ZBTB16: variants seen among roughly 807,000 people sequenced by gnomAD.
ZBTB16 encodes the protein zinc finger and BTB domain containing 16.
ZBTB16 carries 8 observed loss-of-function variants against 56.8 expected under a neutral mutation model. That is an observed-to-expected ratio of 0.14 (90% CI 0.08 to 0.25). The LOEUF is 0.25. ZBTB16 is among the 10% of genes least tolerant of loss of function. The pLI is 1.00. For synonymous variants in ZBTB16, 363 were observed against 368.5 expected (o/e 0.98, Z 0.17); for missense variants, 625 against 903.0 (o/e 0.69, Z 3.95).
chr11:114,114,924 C>A (rs1175566538), intron 2 of ZBTB16, among the ~76,000 whole-genome samples: 1 of 152,070 alleles, frequency 6.6e-6, no homozygotes, highest in Admixed American at 6.5e-5. Flanking sequence ...TTCAAGTGAT[C>A]CTCCCGCCTC....
chr11:114,085,443 A>G (rs1419853434), intron 2 of ZBTB16, among the ~76,000 whole-genome samples: 2 of 152,230 alleles, frequency 1.3e-5, no homozygotes, highest in Admixed American at 6.5e-5. Context: ...AGAGAAATTA[A>G]TAAATCCCTG....
rs992144449 is a variant in ZBTB16 at position 114,251,723 on chromosome 11, C to T, written c.*1168C>T. On this transcript the variant is annotated 3_prime_UTR_variant, in exon 7 of 7. Coordinates refer to ENST00000335953, the MANE Select transcript of ZBTB16 (RefSeq NM_006006.6). ...GTCGCACAGAATTCCTGACTCACAG[C>T]GCCCCTCGGTCCACAGTGGAGAGGA... 3.9e-5 allele frequency among the ~76,000 whole-genome samples: 6 copies of T among 152,138 alleles called. No homozygotes were observed. Among genetic ancestry groups the T allele is most frequent in the East Asian group, 3.9e-4 (2 of 5,190 alleles).
intron 2 of ZBTB16, among the ~76,000 whole-genome samples, chr11:114,097,420 C>T (rs1388059064): frequency 6.6e-6 from 1 of 152,088 alleles, no homozygotes; most frequent in Non-Finnish European, 1.5e-5. Context: ...TACTAAATGA[C>T]ACTGATCTGT....
At chr11:114,172,617 C>T (rs1224170222) in intron 3 of ZBTB16, among the ~76,000 whole-genome samples, 4 of 152,338 alleles carry the variant, frequency 2.6e-5, no homozygotes, top group East Asian at 1.9e-4. Context: ...TCCCAGCCCA[C>T]AGCTCACGTG....
At chr11:114,247,160 G>A (rs770456502) in intron 5 of ZBTB16, 38 bp from the exon 6 acceptor site, 8 of 1,614,014 alleles carry the variant, frequency 5.0e-6, no homozygotes, top group Middle Eastern at 1.6e-4. Context: ...AGGGGGCAGG[G>A]AGAGGCAAAG....
chr11:114,139,628 T>C (rs1407873200), intron 2 of ZBTB16, among the ~76,000 whole-genome samples: 1 of 112,712 alleles, frequency 8.9e-6, no homozygotes, highest in East Asian at 3.2e-4. Flanking sequence ...GCGGTCCACG[T>C]GTGTGTGTGT....
intron 2 of ZBTB16, among the ~76,000 whole-genome samples, chr11:114,148,784 C>T (rs529299708): frequency 1.9e-3 from 284 of 151,966 alleles, no homozygotes; most frequent in Non-Finnish European, 3.2e-3. Context: ...TGAGCCACCG[C>T]GCCCGCCTGC....
At chr11:114,067,968 T>C (rs1939182611) in intron 2 of ZBTB16, among the ~76,000 whole-genome samples, 1 of 149,366 alleles carries the variant, frequency 6.7e-6, no homozygotes, top group African/African-American at 2.5e-5. Context: ...TACTGTTCTC[T>C]GTCTCCCCCC....
intron 2 of ZBTB16, among the ~76,000 whole-genome samples, chr11:114,141,819 A>G (rs1343453320): frequency 1.3e-5 from 2 of 152,236 alleles, no homozygotes; most frequent in East Asian, 3.8e-4. Context: ...AGAAATAAAA[A>G]TACCCGCTTC....
chr11:114,210,037 G>A (rs1943963297), intron 4 of ZBTB16: 1 of 895,326 alleles, frequency 1.1e-6, no homozygotes, highest in Non-Finnish European at 1.3e-6. Flanking sequence ...GGTAGAAGAG[G>A]GTCAAAAAGC....
At chr11:114,209,408 A>C (rs916825313) in intron 4 of ZBTB16, 1 of 985,278 alleles carries the variant, frequency 1.0e-6, no homozygotes, top group African/African-American at 1.7e-5. Flanking sequence ...GAGGAAGGAT[A>C]TAAAAGGGCA....
At chr11:114,240,596 G>A (rs1025824613) in intron 4 of ZBTB16, among the ~76,000 whole-genome samples, 2 of 152,178 alleles carry the variant, frequency 1.3e-5, no homozygotes, top group African/African-American at 4.8e-5. Flanking sequence ...ACACAGATGG[G>A]CCTGCCGGGG....
At chr11:114,108,817 C>G (rs1319430103) in intron 2 of ZBTB16, among the ~76,000 whole-genome samples, 2 of 152,246 alleles carry the variant, frequency 1.3e-5, no homozygotes, top group Admixed American at 1.3e-4. Context: ...AGGTCGGTAG[C>G]TGGAAATCAA....
At position 114,255,631 on chromosome 11, in the gene ZBTB16, G is replaced by A. The variant is rs1390068717; in HGVS notation, c.*5076G>A. 6.6e-6 allele frequency among the ~76,000 whole-genome samples: 1 copy of A among 151,174 alleles called. No homozygotes were observed. Among genetic ancestry groups the A allele is most frequent in the African/African-American group, 2.4e-5 (1 of 40,990 alleles). ...CCGAAGCAGTTTCACTCGAAGTTGT[G>A]CAGTCCTGGTTGCAGCTTTCCGCAT... is the stretch of plus-strand genomic sequence containing the variant. On this transcript the variant is annotated 3_prime_UTR_variant, in exon 7 of 7. Transcript: ENST00000335953.
chr11:114,206,419 C>T (rs1319202738), intron 4 of ZBTB16, among the ~76,000 whole-genome samples: 2 of 152,178 alleles, frequency 1.3e-5, no homozygotes, highest in Admixed American at 6.5e-5. Flanking sequence ...CCTCTACCCA[C>T]AACTCTGTGC....
chr11:114,230,621 T>C (rs1262366942), intron 4 of ZBTB16, among the ~76,000 whole-genome samples: 1 of 38,602 alleles, frequency 2.6e-5, no homozygotes, highest in Non-Finnish European at 5.2e-5. Flanking sequence ...TAATTTGTAA[T>C]CATCTTCTGT....
intron 2 of ZBTB16, among the ~76,000 whole-genome samples, chr11:114,102,768 G>A (rs961805541): frequency 6.6e-6 from 1 of 152,152 alleles, no homozygotes; most frequent in Non-Finnish European, 1.5e-5. Flanking sequence ...ATAGGCAGGA[G>A]AGCCTAGAGC....
intron 2 of ZBTB16, among the ~76,000 whole-genome samples, chr11:114,145,012 C>T (rs983476081): frequency 6.6e-6 from 1 of 152,216 alleles, no homozygotes; most frequent in Non-Finnish European, 1.5e-5. Flanking sequence ...AAAGGAACTA[C>T]ATATAAATAG....
intron 5 of ZBTB16, among the ~76,000 whole-genome samples, chr11:114,245,323 T>C (rs1944793149): frequency 6.6e-6 from 1 of 152,176 alleles, no homozygotes; most frequent in African/African-American, 2.4e-5. Flanking sequence ...CAACACCCCA[T>C]AGATTGGGGT....
Sources: gnomAD v4.1 joint callset for allele counts (sites outside exome capture counted in the v4.1 genomes callset) on GRCh38, gnomAD v4.1.1 for gene constraint, MANE v1.5 for transcripts, NCBI Gene and HGNC (gene_info 2026-07-23, HGNC 2026-07-21) for gene names.